The following SEM1 variants were observed in gnomAD, a reference collection of about 807,000 sequenced individuals.
SEM1 encodes the protein 26S proteasome complex subunit SEM1.
Under a neutral mutation model 12.7 loss-of-function variants are expected in SEM1, and 3 were observed. The observed-to-expected ratio is 0.24, with a 90% CI of 0.11 to 0.61. The LOEUF (loss-of-function observed/expected upper bound fraction) is 0.61. Among genes scored for constraint, SEM1 ranks in the 20% least tolerant of loss-of-function variants. The pLI is 0.88. For synonymous variants in SEM1, 30 were observed against 27.8 expected, an observed-to-expected ratio of 1.08 and a Z score of -0.25; for missense variants, 59 against 81.3, an observed-to-expected ratio of 0.73 and a Z score of 1.06.
At chr7:96,525,406 A>C (rs946206074) in intron 2 of SEM1, among the ~76,000 whole-genome samples, 1 of 152,060 alleles carries the variant, frequency 6.6e-6, no homozygotes, top group Non-Finnish European at 1.5e-5. Context: ...GTGCAGATTC[A>C]CAAAAACTAA....
downstream of SEM1, among the ~76,000 whole-genome samples, chr7:96,620,093 G>A (rs1807843260): frequency 6.6e-6 from 1 of 152,128 alleles, no homozygotes; most frequent in African/African-American, 2.4e-5. Flanking sequence ...ATCCTCCTTA[G>A]CAGCAGCTGC....
chr7:96,670,728 A>G (rs1419533999), downstream of SEM1, among the ~76,000 whole-genome samples: 1 of 152,246 alleles, frequency 6.6e-6, no homozygotes, highest in Non-Finnish European at 1.5e-5. Context: ...AGATTAAGTC[A>G]GTGAAATTAT....
At chr7:96,610,841 C>A (rs1057138251) in intron 2 of SEM1, among the ~76,000 whole-genome samples, 1 of 152,162 alleles carries the variant, frequency 6.6e-6, no homozygotes, top group African/African-American at 2.4e-5. Flanking sequence ...GAGTTCAGGA[C>A]ATATCATCCT....
intron 2 of SEM1, among the ~76,000 whole-genome samples, chr7:96,570,010 T>A (rs1408113675): frequency 6.6e-6 from 1 of 152,110 alleles, no homozygotes; most frequent in Middle Eastern, 3.2e-3. Flanking sequence ...ACCTTTTTGA[T>A]AACGATTTAC....
downstream of SEM1, chr7:96,687,928 C>T (rs1789811279): frequency 6.6e-6 from 1 of 152,060 alleles, no homozygotes; most frequent in South Asian, 2.1e-4. Context: ...GTCTTAAAAA[C>T]AGAAACATAT....
At chr7:96,625,407 T>TAA (rs1808030321) in intron 2 of SEM1, among the ~76,000 whole-genome samples, 1 of 152,128 alleles carries the variant, frequency 6.6e-6, no homozygotes, top group Admixed American at 6.5e-5. Context: ...AACTTAAAGA[T>TAA]AAAGTTAACA....
intron 2 of SEM1, among the ~76,000 whole-genome samples, chr7:96,678,366 G>A (rs149593896): frequency 1.7e-4 from 26 of 152,292 alleles, no homozygotes; most frequent in African/African-American, 5.8e-4. Context: ...ATAGATGACA[G>A]AGACTCAGAA....
At chr7:96,566,052 G>A (rs951799761) in intron 2 of SEM1, among the ~76,000 whole-genome samples, 5 of 151,768 alleles carry the variant, frequency 3.3e-5, no homozygotes, top group Non-Finnish European at 7.4e-5. Context: ...TGAAACATCT[G>A]CAGTTTGTTG....
intron 2 of SEM1, among the ~76,000 whole-genome samples, chr7:96,508,993 CT>C (rs11438472): frequency 0.014 from 1,945 of 142,854 alleles, 43 homozygotes; most frequent in African/African-American, 0.045. Flanking sequence ...AGAAACACAA[CT>C]TTTTTTTTTT....
rs1806327176 is a variant in SEM1 at position 96,579,850 on chromosome 7, T to A, written c.171-73152A>T. 2.0e-4 allele frequency among the ~76,000 whole-genome samples: 30 copies of A among 152,282 alleles called. No individual in the cohort carries two copies. In the South Asian group the frequency reaches 6.0e-3, roughly 30 times the overall value. On this transcript the variant is annotated intron_variant and NMD_transcript_variant, in intron 2 of 3. Transcript: ENST00000466986. ...CCTAAGATGTAAGCAATAGGGGAAA[T>A]TGGTGAAGGGTGCATAGGACCTCTG...
Position 96,523,793 on chromosome 7 carries a change from G to C in SEM1, c.171-17095C>G, listed in dbSNP as rs111830440. 3.1e-3 allele frequency among the ~76,000 whole-genome samples: 466 copies of C among 152,188 alleles called. 3 individuals are homozygous for C. Among genetic ancestry groups the C allele is most frequent in the African/African-American group, 0.011 (441 of 41,516 alleles). On this transcript the variant is annotated intron_variant and NMD_transcript_variant, in intron 2 of 3. Coordinates refer to the SEM1 transcript ENST00000466986. ...CCAAACTCAACTACCCTCTGATGTA[G>C]TCAAAACTTAGCCTCCATCACCCCT...
At chr7:96,653,715 A>G (rs1409529166) in intron 2 of SEM1, 1 of 152,240 alleles carries the variant, frequency 6.6e-6, no homozygotes, top group African/African-American at 2.4e-5. Context: ...TTACCTTTGC[A>G]TTACAGATGA....
rs185030209 is a variant in SEM1 at position 96,605,936 on chromosome 7, C to A, written c.170+88862G>T. Among the ~76,000 whole-genome samples, 15 of 152,222 alleles carry A rather than the reference C, an allele frequency of 9.9e-5. No homozygotes were observed. The East Asian group carries it at 1.9e-3, about 20-fold the overall frequency. The stretch of plus-strand genomic sequence containing the variant: ...AGAATCATCTCTTTGTCAAGGGTAC[C>A]CACATTGTACATGCTACCCTTCCGC... On this transcript the variant is annotated intron_variant and NMD_transcript_variant, in intron 2 of 3. Transcript: ENST00000466986.
intron 2 of SEM1, among the ~76,000 whole-genome samples, chr7:96,634,602 AAT>A (rs948712267): frequency 6.7e-6 from 1 of 148,370 alleles, no homozygotes; most frequent in African/African-American, 2.4e-5. Flanking sequence ...ATATGTATAT[AAT>A]ATATATAATA....
intron 2 of SEM1, among the ~76,000 whole-genome samples, chr7:96,523,142 G>A (rs987376281): frequency 6.6e-6 from 1 of 152,122 alleles, no homozygotes; most frequent in African/African-American, 2.4e-5. Context: ...TTTCACTACA[G>A]ATGTTCTTCT....
chr7:96,491,874 G>C (rs1181354383), intron 1 of SEM1, among the ~76,000 whole-genome samples: 2 of 152,102 alleles, frequency 1.3e-5, no homozygotes, highest in African/African-American at 4.8e-5. Flanking sequence ...TACAAAAAGA[G>C]TGCTACATGT....
At chr7:96,666,418 G>A (rs1031668420) in intron 2 of SEM1, among the ~76,000 whole-genome samples, 33 of 152,176 alleles carry the variant, frequency 2.2e-4, no homozygotes, top group African/African-American at 7.5e-4. Context: ...TATAAAATGT[G>A]AAAATTAAAA....
intron 2 of SEM1, among the ~76,000 whole-genome samples, chr7:96,631,377 A>C (rs993723996): frequency 2.6e-5 from 4 of 152,072 alleles, no homozygotes; most frequent in African/African-American, 9.7e-5. Flanking sequence ...AGTTTCATCC[A>C]GTTTTTTTCT....
At chr7:96,596,170 T>A (rs143497448) in intron 2 of SEM1, among the ~76,000 whole-genome samples, 1 of 152,230 alleles carries the variant, frequency 6.6e-6, no homozygotes, top group Non-Finnish European at 1.5e-5. Flanking sequence ...AACAACTTGC[T>A]TGTAAAACCC....
Sources: allele counts gnomAD v4.1 joint callset (sites outside exome capture counted in the v4.1 genomes callset), GRCh38; gene constraint gnomAD v4.1.1; transcripts MANE v1.5; gene names NCBI Gene and HGNC (gene_info 2026-07-23, HGNC 2026-07-21).